Variants in EBAG9 observed in about 807,000 individuals in gnomAD.
EBAG9 encodes estrogen receptor binding site associated antigen 9, also known as receptor-binding cancer antigen expressed on SiSo cells.
In EBAG9, 16 loss-of-function variants were observed where a neutral mutation model predicts 30.9. That is an observed-to-expected ratio of 0.52 (90% CI 0.35 to 0.79). The LOEUF (loss-of-function observed/expected upper bound fraction) is 0.79. Among genes scored for constraint, EBAG9 ranks in the 30% least tolerant of loss-of-function variants. The pLI, the probability that EBAG9 is intolerant of heterozygous loss-of-function variation, is 0.01. For missense variants in EBAG9, 197 were observed against 242.1 expected (o/e 0.81, Z 1.24); for synonymous variants, 93 against 82.8 (o/e 1.12, Z -0.67).
At chr8:109,560,502 A>C (rs1032795210) in intron 5 of EBAG9, among the ~76,000 whole-genome samples, 1 of 152,174 alleles carries the variant, frequency 6.6e-6, no homozygotes, top group African/African-American at 2.4e-5. Flanking sequence ...CAGCTCCCTC[A>C]TCTTACTGAG....
intron 6 of EBAG9, chr8:109,563,585 T>A: frequency 6.5e-7 from 1 of 1,535,516 alleles, no homozygotes; most frequent in Non-Finnish European, 8.7e-7. Flanking sequence ...CTCTTTTTTT[T>A]TTTTTTTTAA....
At chr8:109,547,834 T>G (rs1410731798) in intron 1 of EBAG9, among the ~76,000 whole-genome samples, 1 of 152,168 alleles carries the variant, frequency 6.6e-6, no homozygotes, top group African/African-American at 2.4e-5. Flanking sequence ...GTTTTTAAAT[T>G]GAGTTTTTAA....
intron 2 of EBAG9, among the ~76,000 whole-genome samples, chr8:109,551,995 G>T (rs1394290142): frequency 6.6e-6 from 1 of 152,082 alleles, no homozygotes; most frequent in East Asian, 1.9e-4. Context: ...GTGTTTCTGT[G>T]GCCTAAGGGT....
At position 109,565,409 on chromosome 8, in the gene EBAG9, G is replaced by T. The variant is rs1274403345; in HGVS notation, c.*850G>T. On this transcript the variant is annotated 3_prime_UTR_variant, in exon 7 of 7. Coordinates refer to ENST00000337573, the MANE Select transcript of EBAG9 (RefSeq NM_004215.5). ...ATTTACAAATGCTTAAAGCCATCAGGTCAAATATTTCAAAGCCTTTAGATG... is the reference window on the plus strand; with the variant it reads ...ATTTACAAATGCTTAAAGCCATCAGTTCAAATATTTCAAAGCCTTTAGATG... 6.6e-6 allele frequency: 1 copy of T among 151,964 alleles called. No individual in the cohort carries two copies. Among genetic ancestry groups the T allele is most frequent in the African/African-American group, 2.4e-5 (1 of 41,402 alleles). 9.4% of individuals were successfully genotyped at this position (151,964 alleles called of 1,614,324 possible). A position where few individuals can be genotyped will look rare whatever the true frequency, so the allele number is the denominator to read the frequency against.
rs193074115 is a variant in EBAG9, at chr8:109,554,008, A to C, written c.162+65A>C. 14 of 1,215,432 alleles carry C rather than the reference A, an allele frequency of 1.2e-5. No individual in the cohort carries two copies. The Admixed American group carries it at 4.0e-4, about 35-fold the overall frequency. 75.3% of individuals were successfully genotyped at this position (1,215,432 alleles called of 1,614,324 possible). On this transcript the variant is annotated intron_variant, in intron 3 of 6. Transcript: ENST00000337573. The stretch of plus-strand genomic sequence containing the variant: ...TGAAAGATTGAATAAGTGTCCTAGA[A>C]CAATATTTTAAAAACTGGATTGCAG...
chr8:109,550,233 A>G (rs2131110119), intron 1 of EBAG9: 1 of 152,428 alleles, frequency 6.6e-6, no homozygotes, highest in African/African-American at 2.4e-5. Flanking sequence ...ATATGATTTA[A>G]TGGACTTACT....
chr8:109,551,904 T>G (rs1489237106), intron 2 of EBAG9, among the ~76,000 whole-genome samples: 1 of 152,186 alleles, frequency 6.6e-6, no homozygotes, highest in East Asian at 1.9e-4. Context: ...TTTAAATGTG[T>G]ATTTTTTACA....
At chr8:109,555,425 G>A (rs1427948261) in intron 4 of EBAG9, among the ~76,000 whole-genome samples, 1 of 152,118 alleles carries the variant, frequency 6.6e-6, no homozygotes, top group African/African-American at 2.4e-5. Flanking sequence ...GTCATGTTAA[G>A]TAAGAATTTT....
intron 1 of EBAG9, among the ~76,000 whole-genome samples, chr8:109,549,133 G>A (rs1009454448): frequency 5.9e-5 from 9 of 151,312 alleles, no homozygotes. Flanking sequence ...TTTTGTCAAA[G>A]GCTTTTTCTG....
chr8:109,547,753 T>A (rs992802108), intron 1 of EBAG9, among the ~76,000 whole-genome samples: 3 of 152,204 alleles, frequency 2.0e-5, no homozygotes, highest in African/African-American at 7.2e-5. Flanking sequence ...GTGCTGGGAT[T>A]ACAGGTGTGA....
chr8:109,550,607 A>G (rs1376602100), intron 1 of EBAG9: 1 of 440,432 alleles, frequency 2.3e-6, no homozygotes. Context: ...TTTTATCCTT[A>G]CAACCATTGA....
chr8:109,557,898 G>A (rs1299106737), intron 5 of EBAG9: 7 of 275,260 alleles, frequency 2.5e-5, no homozygotes, highest in Non-Finnish European at 4.5e-5. Flanking sequence ...ATTTCTTTAT[G>A]ATGTAACTCC....
chr8:109,554,956 A>G (rs2131119863), intron 4 of EBAG9, 69 bp downstream of exon 4: 1 of 1,452,496 alleles, frequency 6.9e-7, no homozygotes, highest in Non-Finnish European at 9.3e-7. Context: ...ATTAGGTGAT[A>G]CAATTCACAT....
At chr8:109,553,778 A>G (rs955050375) in intron 2 of EBAG9, 87 bp from the exon 3 acceptor site, 6 of 959,426 alleles carry the variant, frequency 6.3e-6, no homozygotes, top group Non-Finnish European at 7.8e-6. Context: ...ATCTTGTTTT[A>G]TAAGCCTTCA....
chr8:109,551,730 C>G (rs751579454), intron 2 of EBAG9, among the ~76,000 whole-genome samples: 12 of 151,976 alleles, frequency 7.9e-5, no homozygotes, highest in Admixed American at 2.6e-4. Flanking sequence ...TAATTAAAAG[C>G]GAGTACTGCA....
intron 5 of EBAG9, among the ~76,000 whole-genome samples, chr8:109,559,815 T>TAA (rs879895526): frequency 7.0e-6 from 1 of 142,794 alleles, no homozygotes; most frequent in African/African-American, 2.6e-5. Context: ...CGCTGATTCC[T>TAA]AAAAAAAAAA....
chr8:109,541,070 C>T (rs895832100), intron 1 of EBAG9, among the ~76,000 whole-genome samples: 3 of 151,978 alleles, frequency 2.0e-5, no homozygotes, highest in African/African-American at 7.3e-5. Flanking sequence ...GTTAACATGG[C>T]AGAGCTCTCA....
intron 1 of EBAG9, 99 bp from the exon 2 acceptor site, chr8:109,550,711 A>G (rs1821475885): frequency 1.5e-6 from 1 of 677,980 alleles, no homozygotes; most frequent in Non-Finnish European, 2.6e-6. Flanking sequence ...GGTAAAAAAT[A>G]TCTTAGATTT....
chr8:109,543,359 A>G (rs1488762348), intron 1 of EBAG9, among the ~76,000 whole-genome samples: 3 of 151,966 alleles, frequency 2.0e-5, no homozygotes, highest in African/African-American at 7.2e-5. Context: ...TAGAAATAGA[A>G]AAGACTAGTG....
Sources: allele counts gnomAD v4.1 joint callset (sites outside exome capture counted in the v4.1 genomes callset), GRCh38; gene constraint gnomAD v4.1.1; transcripts MANE v1.5; gene names NCBI Gene and HGNC (gene_info 2026-07-23, HGNC 2026-07-21).